Variants in ENOX1 observed in about 807,000 individuals in gnomAD.
The protein encoded by ENOX1 is ecto-NOX disulfide-thiol exchanger 1, also known as candidate growth-related and time keeping constitutive hydroquinone (NADH) oxidase.
ENOX1 carries 42 observed loss-of-function variants against 82.5 expected under a neutral mutation model. The observed-to-expected ratio is 0.51, with a 90% CI of 0.40 to 0.66. The LOEUF (loss-of-function observed/expected upper bound fraction) is 0.66. ENOX1 is among the 30% of genes least tolerant of loss of function. The probability of loss-of-function intolerance (pLI) is 0.00; values close to 1 mark genes in which losing one functional copy is unlikely to be tolerated. For missense variants in ENOX1, 608 were observed against 811.6 expected (o/e 0.75, Z 3.05); for synonymous variants, 271 against 282.2 (o/e 0.96, Z 0.40).
In ENOX1 at chr13:43,671,200, C is replaced by T. The variant is rs527311137; in HGVS notation, c.-284-3656G>A. Among the ~76,000 whole-genome samples, 3 of 152,300 alleles carry T rather than the reference C, an allele frequency of 2.0e-5. No individual in the cohort carries two copies. In the East Asian group the frequency reaches 5.8e-4, roughly 29 times the overall value. On this transcript the variant is annotated intron_variant, in intron 1 of 16. Coordinates refer to ENST00000690772, the MANE Select transcript of ENOX1 (RefSeq NM_001347969.2). ...CCCCTTCCACCATGATTCTAAGTTT[C>T]CTAAGGCTTCCCCAGCCATGCAGAA... is the stretch of plus-strand genomic sequence containing the variant.
intron 2 of ENOX1, among the ~76,000 whole-genome samples, chr13:43,574,704 G>A (rs1440580683): frequency 6.6e-6 from 1 of 152,188 alleles, no homozygotes; most frequent in Non-Finnish European, 1.5e-5. Flanking sequence ...CAGGGCATCT[G>A]TGCTATTTTA....
At chr13:43,434,936 GGT>G (rs749700833) in intron 3 of ENOX1, among the ~76,000 whole-genome samples, 9 of 67,848 alleles carry the variant, frequency 1.3e-4, no homozygotes, top group East Asian at 6.0e-4. Flanking sequence ...GTGTGTGTGT[GGT>G]TTTTTTTTTT....
intron 2 of ENOX1, among the ~76,000 whole-genome samples, chr13:43,517,434 G>A (rs377231061): frequency 1.3e-5 from 2 of 152,110 alleles, no homozygotes; most frequent in East Asian, 3.9e-4. Context: ...GCAGTTGGAG[G>A]TTGCAATGAG....
intron 2 of ENOX1, among the ~76,000 whole-genome samples, chr13:43,628,301 C>G (rs894788396): frequency 6.6e-6 from 1 of 152,102 alleles, no homozygotes; most frequent in African/African-American, 2.4e-5. Context: ...TATCATTATT[C>G]TCTTTACTCT....
intron 12 of ENOX1, among the ~76,000 whole-genome samples, chr13:43,271,277 A>C (rs965007757): frequency 1.3e-5 from 2 of 152,246 alleles, no homozygotes; most frequent in African/African-American, 4.8e-5. Context: ...CTGTATCATC[A>C]GACACTATGC....
intron 5 of ENOX1, among the ~76,000 whole-genome samples, chr13:43,401,690 A>G (rs2053505223): frequency 6.6e-6 from 1 of 152,164 alleles, no homozygotes; most frequent in Non-Finnish European, 1.5e-5. Flanking sequence ...GAAGCTCACA[A>G]AGGACAGGGA....
chr13:43,735,463 T>TA (rs2089574106), intron 1 of ENOX1, among the ~76,000 whole-genome samples: 1 of 152,194 alleles, frequency 6.6e-6, no homozygotes, highest in Non-Finnish European at 1.5e-5. Flanking sequence ...CTCATGCCTG[T>TA]AATCCCAGCA....
chr13:43,353,456 G>C (rs1363156167), intron 8 of ENOX1, among the ~76,000 whole-genome samples: 3 of 152,200 alleles, frequency 2.0e-5, no homozygotes, highest in Admixed American at 6.5e-5. Flanking sequence ...GGTATTTTCA[G>C]ATTGCATTTC....
chr13:43,515,079 G>C (rs990818996), intron 2 of ENOX1, among the ~76,000 whole-genome samples: 1 of 152,104 alleles, frequency 6.6e-6, no homozygotes, highest in African/African-American at 2.4e-5. Flanking sequence ...AGAAAGAAAT[G>C]GATGCTCAGA....
At chr13:43,442,916 T>C (rs2056436897) in intron 3 of ENOX1, among the ~76,000 whole-genome samples, 1 of 152,158 alleles carries the variant, frequency 6.6e-6, no homozygotes, top group African/African-American at 2.4e-5. Context: ...ATCTGTTGTA[T>C]AAATTAAAAA....
chr13:43,616,166 C>CTAGATAGA (rs59877653), intron 2 of ENOX1, among the ~76,000 whole-genome samples: 4 of 9,262 alleles, frequency 4.3e-4, no homozygotes, highest in African/African-American at 8.5e-4. Flanking sequence ...AGATATCTAT[C>CTAGATAGA]TATCTATCTA....
rs532217429 is a variant in ENOX1, at chr13:43,401,629, C to T, written c.208+10287G>A. On this transcript the variant is annotated intron_variant, in intron 5 of 16. Transcript: ENST00000690772. ...GTGGCTGCATGTTGATTAGGAGAGA[C>T]GGAGAGGGAAGTGCAAAGGCTGGGG... Among the ~76,000 whole-genome samples, 272 of 152,190 alleles carry T rather than the reference C, an allele frequency of 1.8e-3. 1 individual carries two copies. Among genetic ancestry groups the T allele is most frequent in the African/African-American group, 6.4e-3 (265 of 41,514 alleles).
intron 2 of ENOX1, among the ~76,000 whole-genome samples, chr13:43,584,529 C>T (rs1462392966): frequency 1.3e-5 from 2 of 152,164 alleles, no homozygotes; most frequent in Non-Finnish European, 2.9e-5. Flanking sequence ...TGGGATCTAA[C>T]GTGATAAACT....
intron 11 of ENOX1, among the ~76,000 whole-genome samples, chr13:43,311,036 G>A (rs2047171715): frequency 6.6e-6 from 1 of 151,924 alleles, no homozygotes; most frequent in African/African-American, 2.4e-5. Context: ...AATGATGGAA[G>A]CAGAATTCCA....
chr13:43,472,028 A>C (rs2058091719), intron 3 of ENOX1, among the ~76,000 whole-genome samples: 1 of 151,818 alleles, frequency 6.6e-6, no homozygotes, highest in African/African-American at 2.4e-5. Flanking sequence ...AAGAAAAGAA[A>C]AATTAAAAGA....
intron 2 of ENOX1, among the ~76,000 whole-genome samples, chr13:43,500,655 C>A (rs1444402923): frequency 6.6e-6 from 1 of 151,716 alleles, no homozygotes; most frequent in African/African-American, 2.4e-5. Flanking sequence ...TAAATCTTGG[C>A]TGGTAAAGGT....
chr13:43,236,269 T>C (rs1458237618), intron 15 of ENOX1, among the ~76,000 whole-genome samples: 1 of 152,152 alleles, frequency 6.6e-6, no homozygotes, highest in Non-Finnish European at 1.5e-5. Flanking sequence ...ATCTCAGGGT[T>C]CAAAGCTGCT....
At chr13:43,533,152 C>G (rs2153689536) in intron 2 of ENOX1, among the ~76,000 whole-genome samples, 1 of 152,172 alleles carries the variant, frequency 6.6e-6, no homozygotes, top group African/African-American at 2.4e-5. Context: ...CCTAAAGGGC[C>G]TGGTGAGAAA....
At chr13:43,468,427 C>T (rs905339809) in intron 3 of ENOX1, among the ~76,000 whole-genome samples, 4 of 151,786 alleles carry the variant, frequency 2.6e-5, no homozygotes, top group South Asian at 2.1e-4. Flanking sequence ...GTGATCTGCC[C>T]GCCTCGGCCT....
Sources: gnomAD v4.1 joint callset for allele counts (sites outside exome capture counted in the v4.1 genomes callset) on GRCh38, gnomAD v4.1.1 for gene constraint, MANE v1.5 for transcripts, NCBI Gene and HGNC (gene_info 2026-07-23, HGNC 2026-07-21) for gene names.